RBFOX3: variants seen among roughly 807,000 people sequenced by gnomAD.
RBFOX3 encodes RNA binding fox-1 homolog 3, also known as RNA binding protein fox-1 homolog 3.
A neutral mutation model predicts 48.7 loss-of-function variants in RBFOX3; 17 were observed. That is an observed-to-expected ratio of 0.35 (90% confidence interval 0.24 to 0.52). RBFOX3 has a LOEUF of 0.52. RBFOX3 is among the 20% of genes least tolerant of loss of function. The probability of loss-of-function intolerance (pLI) is 0.94; values close to 1 mark genes in which losing one functional copy is unlikely to be tolerated. For missense variants in RBFOX3, 382 were observed against 497.5 expected, an observed-to-expected ratio of 0.77 and a Z score of 2.21; for synonymous variants, 212 against 209.5, an observed-to-expected ratio of 1.01 and a Z score of -0.10.
At chr17:79,275,123 C>CCTCTCTCTCTCCCTCTCTCTCT (rs2068519870) in intron 3 of RBFOX3, among the ~76,000 whole-genome samples, 1 of 130,594 alleles carries the variant, frequency 7.7e-6, no homozygotes, top group Non-Finnish European at 1.6e-5. Context: ...TCCATGTCTC[C>CCTCTCTCTCTCCCTCTCTCTCT]CTCTCTCTCT....
intron 3 of RBFOX3, among the ~76,000 whole-genome samples, chr17:79,307,109 T>C (rs1427406444): frequency 6.6e-6 from 1 of 152,242 alleles, no homozygotes; most frequent in Non-Finnish European, 1.5e-5. Context: ...CCAAGTATAA[T>C]AAAGGTTTCC....
intron 4 of RBFOX3, among the ~76,000 whole-genome samples, chr17:79,194,760 GTGTGT>G: frequency 8.7e-5 from 1 of 11,554 alleles, no homozygotes; most frequent in African/African-American, 1.7e-4. Flanking sequence ...GTGGGTGTGT[GTGTGT>G]GTGTGTGTGT....
At chr17:79,630,799 A>G in the RBFOX3 span, among the ~76,000 whole-genome samples, 1 of 152,168 alleles carries the variant, frequency 6.6e-6, no homozygotes, top group African/African-American at 2.4e-5. Flanking sequence ...CCTCAAAATA[A>G]TGCAGCGGGT....
chr17:79,142,253 C>T (rs2042063461), intron 4 of RBFOX3, among the ~76,000 whole-genome samples: 1 of 152,166 alleles, frequency 6.6e-6, no homozygotes, highest in African/African-American at 2.4e-5. Flanking sequence ...GGCCTCTGGC[C>T]CGACTGTATT....
At chr17:79,402,791 G>C (rs1023734117) in intron 2 of RBFOX3, among the ~76,000 whole-genome samples, 3 of 152,198 alleles carry the variant, frequency 2.0e-5, no homozygotes, top group Non-Finnish European at 2.9e-5. Flanking sequence ...CAGAGCCAGT[G>C]CACCCTCTGC....
chr17:79,654,463 TA>T, the RBFOX3 span, among the ~76,000 whole-genome samples: 1 of 152,202 alleles, frequency 6.6e-6, no homozygotes, highest in East Asian at 1.9e-4. Context: ...GGGGCATGTC[TA>T]AAAGACTCAG....
intron 4 of RBFOX3, among the ~76,000 whole-genome samples, chr17:79,157,855 G>A (rs542237631): frequency 5.3e-5 from 8 of 152,330 alleles, no homozygotes; most frequent in South Asian, 2.1e-4. Flanking sequence ...GTCACCGCAC[G>A]TCTGGAGACG....
chr17:79,288,834 T>G (rs76857658), intron 3 of RBFOX3, among the ~76,000 whole-genome samples: 5,657 of 151,998 alleles, frequency 0.037, 168 homozygotes, highest in East Asian at 0.072. Context: ...TCAGAGTTCA[T>G]CAGTGAGGTA....
At chr17:79,263,782 G>T (rs1257601432) in intron 3 of RBFOX3, among the ~76,000 whole-genome samples, 1 of 152,152 alleles carries the variant, frequency 6.6e-6, no homozygotes, top group East Asian at 1.9e-4. Flanking sequence ...GCAGAACGAT[G>T]TCCCCAAGAA....
rs1472845062 is a variant in RBFOX3, at chr17:79,481,351, A to G, written c.-175+1103T>C. 1.3e-5 allele frequency among the ~76,000 whole-genome samples: 2 copies of G among 152,164 alleles called. No individual in the cohort carries two copies. The highest frequency in any genetic ancestry group is 1.3e-4 in the Admixed American group (2 of 15,274). On this transcript the variant is annotated intron_variant, in intron 2 of 14. Transcript: ENST00000693108. The surrounding 1 kb of genome is among the most constrained non-coding windows in gnomAD (Gnocchi z 5.4). ...GTCTATCAGCAGGGAATGGGGCTGC[A>G]CTGAACCTCATGGGGGTTTAAGAAA...
At chr17:79,260,183 GGA>G (rs2065522790) in intron 3 of RBFOX3, among the ~76,000 whole-genome samples, 1 of 152,072 alleles carries the variant, frequency 6.6e-6, no homozygotes. Context: ...AGGTACAGGG[GGA>G]GGTGGAATGG....
the RBFOX3 span, among the ~76,000 whole-genome samples, chr17:79,662,178 G>A: frequency 0.016 from 1,910 of 121,302 alleles, 35 homozygotes; most frequent in African/African-American, 0.035. Flanking sequence ...GCTGGAGTGC[G>A]GTGGTGCAAT....
intron 3 of RBFOX3, among the ~76,000 whole-genome samples, chr17:79,292,569 C>T (rs1029987805): frequency 6.0e-5 from 8 of 133,460 alleles, no homozygotes; most frequent in Non-Finnish European, 1.1e-4. Context: ...GCACTGTACA[C>T]ACACACACAC....
chr17:79,591,498 C>G (rs1438966297), intron 1 of RBFOX3, among the ~76,000 whole-genome samples: 1 of 152,210 alleles, frequency 6.6e-6, no homozygotes, highest in Non-Finnish European at 1.5e-5. Flanking sequence ...GTTCCAGGCA[C>G]AGCCTGAAGT....
At position 79,147,491 on chromosome 17, in the gene RBFOX3, G is replaced by A. The variant is rs530841834; in HGVS notation, c.-33-31743C>T. Among the ~76,000 whole-genome samples, 31 of 152,350 alleles carry A rather than the reference G, an allele frequency of 2.0e-4. No individual in the cohort carries two copies. The South Asian group carries it at 6.2e-3, about 31-fold the overall frequency. On this transcript the variant is annotated intron_variant, in intron 4 of 14. Coordinates refer to ENST00000693108, the MANE Select transcript of RBFOX3 (RefSeq NM_001350451.2). ...CCATGCTGTGCGCCAGAAGAGGCCT[G>A]GGGAGTTCCCTGCTGCCCTGAGAGG...
At chr17:79,643,589 T>C in the RBFOX3 span, among the ~76,000 whole-genome samples, 1 of 152,200 alleles carries the variant, frequency 6.6e-6, no homozygotes. Context: ...TTGCTGAATA[T>C]GTTTTCTGAC....
intron 4 of RBFOX3, among the ~76,000 whole-genome samples, chr17:79,226,346 C>T (rs1037264547): frequency 6.6e-6 from 1 of 152,182 alleles, no homozygotes; most frequent in African/African-American, 2.4e-5. Flanking sequence ...AGCGTCACCC[C>T]AACAGCACAT....
At chr17:79,435,523 T>C (rs1177371641) in intron 2 of RBFOX3, among the ~76,000 whole-genome samples, 1 of 152,176 alleles carries the variant, frequency 6.6e-6, no homozygotes, top group Non-Finnish European at 1.5e-5. Flanking sequence ...TACCTTTCTG[T>C]AGAAGGAGAA....
At chr17:79,091,005 GC>G in intron 14 of RBFOX3, 120 bp from the exon 15 acceptor site, 1 of 969,394 alleles carries the variant, frequency 1.0e-6, no homozygotes, top group Non-Finnish European at 1.5e-6. Context: ...CGCCACACCT[GC>G]CCCCCAGGTT....
Sources: allele counts gnomAD v4.1 joint callset (sites outside exome capture counted in the v4.1 genomes callset), GRCh38; gene constraint gnomAD v4.1.1; non-coding constraint Gnocchi (gnomAD v3.1); transcripts MANE v1.5; gene names NCBI Gene and HGNC (gene_info 2026-07-23, HGNC 2026-07-21).